Variants in ZNF644 observed in about 807,000 individuals in gnomAD.
The protein encoded by ZNF644 is zinc finger motif enhancer binding protein 2.
In ZNF644, 20 loss-of-function variants were observed where a neutral mutation model predicts 108.0. The observed-to-expected ratio is 0.19, with a 90% CI of 0.13 to 0.27. The LOEUF is 0.27. Ranked by LOEUF, ZNF644 falls within the 10% of genes least tolerant of loss-of-function variation. ZNF644 has a pLI of 1.00. For missense variants in ZNF644, 1,338 were observed against 1,548.9 expected (o/e 0.86, Z 2.29); for synonymous variants, 542 against 539.1 (o/e 1.01, Z -0.08).
chr1:90,925,300 A>C (rs1219974173), intron 4 of ZNF644, among the ~76,000 whole-genome samples: 1 of 152,202 alleles, frequency 6.6e-6, no homozygotes, highest in African/African-American at 2.4e-5. Context: ...TGATACAAAG[A>C]ACAATGTATA....
At chr1:90,973,648 TTTTG>T (rs1317740243) in intron 2 of ZNF644, among the ~76,000 whole-genome samples, 2 of 152,278 alleles carry the variant, frequency 1.3e-5, no homozygotes, top group South Asian at 2.1e-4. Context: ...TCATATAAAC[TTTTG>T]TTTAAGAAAA....
At chr1:90,969,069 C>A (rs563604803) in intron 2 of ZNF644, among the ~76,000 whole-genome samples, 1 of 152,284 alleles carries the variant, frequency 6.6e-6, no homozygotes. Flanking sequence ...CTATAAAGAA[C>A]AACACTTTAA....
chr1:90,975,876 C>T (rs1389613169), intron 2 of ZNF644, among the ~76,000 whole-genome samples: 1 of 152,120 alleles, frequency 6.6e-6, no homozygotes, highest in Non-Finnish European at 1.5e-5. Flanking sequence ...ATCTCTTACC[C>T]TTAAGTGTAA....
chr1:90,992,756 G>A (rs957232592), intron 1 of ZNF644, among the ~76,000 whole-genome samples: 6 of 152,302 alleles, frequency 3.9e-5, no homozygotes, highest in African/African-American at 1.2e-4. Context: ...CTCTCATCAA[G>A]AGGTGGTCCG....
chr1:91,006,987 A>T (rs1055705364), intron 1 of ZNF644, among the ~76,000 whole-genome samples: 1 of 152,138 alleles, frequency 6.6e-6, no homozygotes, highest in Non-Finnish European at 1.5e-5. Context: ...TTTTGAATGT[A>T]TTATTCCATT....
At chr1:90,991,946 A>T (rs1301577191) in intron 1 of ZNF644, among the ~76,000 whole-genome samples, 1 of 152,258 alleles carries the variant, frequency 6.6e-6, no homozygotes, top group African/African-American at 2.4e-5. Context: ...GAATCCTCAC[A>T]TTAAACACCT....
chr1:91,000,219 A>C (rs1557650056), intron 1 of ZNF644, among the ~76,000 whole-genome samples: 1 of 152,210 alleles, frequency 6.6e-6, no homozygotes, highest in African/African-American at 2.4e-5. Context: ...CTCCACCCCA[A>C]ATCAACAGAA....
At chr1:90,941,386 C>T (rs957180887) in intron 2 of ZNF644, 77 bp from the exon 3 acceptor site, 11 of 1,312,148 alleles carry the variant, frequency 8.4e-6, no homozygotes, top group Non-Finnish European at 1.0e-5. Flanking sequence ...GTTGAAAGTA[C>T]ATATTTTTAT....
intron 2 of ZNF644, among the ~76,000 whole-genome samples, chr1:90,978,480 T>G (rs1400038995): frequency 6.6e-6 from 1 of 152,210 alleles, no homozygotes; most frequent in East Asian, 1.9e-4. Flanking sequence ...TTAAAAAGTC[T>G]TCTTTTTCAT....
At chr1:90,950,308 A>AGGG (rs1557588325) in intron 2 of ZNF644, among the ~76,000 whole-genome samples, 187 of 78,632 alleles carry the variant, frequency 2.4e-3, no homozygotes, top group Non-Finnish European at 2.9e-3. Context: ...AGGGGAGGGG[A>AGGG]CAAAAGAAAA....
intron 1 of ZNF644, among the ~76,000 whole-genome samples, chr1:90,991,094 A>T (rs1245050109): frequency 6.6e-6 from 1 of 152,190 alleles, no homozygotes; most frequent in Non-Finnish European, 1.5e-5. Context: ...CACCTTCAAT[A>T]ATAAAACAAC....
intron 1 of ZNF644, among the ~76,000 whole-genome samples, chr1:91,008,746 G>A (rs996107761): frequency 1.4e-4 from 22 of 152,098 alleles, no homozygotes; most frequent in African/African-American, 5.1e-4. Flanking sequence ...TATACCTCCC[G>A]GTTTTACCAC....
intron 2 of ZNF644, among the ~76,000 whole-genome samples, chr1:90,964,571 T>C (rs1654649452): frequency 6.6e-6 from 1 of 152,192 alleles, no homozygotes; most frequent in South Asian, 2.1e-4. Flanking sequence ...CCCTCTGAAT[T>C]TAATCATTTA....
intron 4 of ZNF644, among the ~76,000 whole-genome samples, chr1:90,926,359 C>CTA (rs1042141083): frequency 6.6e-6 from 1 of 152,178 alleles, no homozygotes; most frequent in African/African-American, 2.4e-5. Context: ...ATAGCTCCTC[C>CTA]TATAATCTGT....
At chr1:91,000,500 GAC>G (rs1658656291) in intron 1 of ZNF644, among the ~76,000 whole-genome samples, 1 of 152,022 alleles carries the variant, frequency 6.6e-6, no homozygotes, top group South Asian at 2.1e-4. Flanking sequence ...CGAGAATAAA[GAC>G]ACAACACACC....
In ZNF644 at chr1:90,939,941, C is replaced by T; in HGVS notation, c.1413G>A (p.Gln471=). The change falls in exon 3 of 6, where the codon CAG becomes CAA. Residue 471 remains glutamine, a synonymous_variant. Coordinates refer to ENST00000337393, the MANE Select transcript of ZNF644 (RefSeq NM_201269.3). The part of the protein sequence containing the change: ...NSLLKHMIIH[Q]ERRQKLMEEI... ...CCTCCATCAACTTCTGTCTTCTCTCCTGGTGAATAATCATATGTTTTAGAA... is the reference window on the plus strand; with the variant it reads ...CCTCCATCAACTTCTGTCTTCTCTCTTGGTGAATAATCATATGTTTTAGAA... 6.2e-7 allele frequency: 1 copy of T among 1,614,036 alleles called. No individual in the cohort carries two copies. The highest frequency in any genetic ancestry group is 8.5e-7 in the Non-Finnish European group (1 of 1,179,954).
At chr1:90,941,432 A>T (rs1651976936) in intron 2 of ZNF644, 123 bp from the exon 3 acceptor site, 2 of 882,660 alleles carry the variant, frequency 2.3e-6, no homozygotes, top group East Asian at 5.5e-5. Flanking sequence ...TGAGATTCTA[A>T]TAATTTTCCA....
rs2100938860 is a variant in ZNF644, at chr1:90,938,624, A to G, written c.2730T>C (p.Tyr910=). The change falls in exon 3 of 6, where the codon TAT becomes TAC. Residue 910 remains tyrosine (Y), a synonymous_variant. Transcript: ENST00000337393. This position sits in a 1 kb window ranked among gnomAD's most constrained non-coding sequence, Gnocchi z 4.2. ...QEPGENATLS[Y]DQNDGFYFEY... ...CAAAATAAAAGCCATCGTTTTGGTC[A>G]TAACTAAGAGTAGCATTTTCTCCAG... 3 of 1,611,466 alleles carry G rather than the reference A, an allele frequency of 1.9e-6. No homozygotes were observed. In the South Asian group the frequency reaches 3.3e-5, roughly 18 times the overall value.
At chr1:91,002,740 G>A (rs186451482) in intron 1 of ZNF644, among the ~76,000 whole-genome samples, 4 of 152,204 alleles carry the variant, frequency 2.6e-5, no homozygotes, top group African/African-American at 9.6e-5. Context: ...GAGTGAACAG[G>A]CAACCTACAG....
Sources: allele counts gnomAD v4.1 joint callset (sites outside exome capture counted in the v4.1 genomes callset), GRCh38; gene constraint gnomAD v4.1.1; non-coding constraint Gnocchi (gnomAD v3.1); transcripts MANE v1.5; gene names NCBI Gene and HGNC (gene_info 2026-07-23, HGNC 2026-07-21).